The following ATP2C2 variants were observed in gnomAD, a reference collection of about 807,000 sequenced individuals.
ATP2C2 encodes ATPase secretory pathway Ca2+ transporting 2.
In ATP2C2, 171 loss-of-function variants were observed where a neutral mutation model predicts 110.8. The ratio of observed to expected loss-of-function variants is 1.54; its 90% confidence interval spans 1.36 to 1.75. The LOEUF is 1.75. Among genes scored for constraint, ATP2C2 ranks in the 40% most tolerant of loss-of-function variants. The pLI, the probability that ATP2C2 is intolerant of heterozygous loss-of-function variation, is 0.00. For synonymous variants in ATP2C2, 804 were observed against 508.4 expected, an observed-to-expected ratio of 1.58 and a Z score of -7.82; for missense variants, 1,963 against 1,235.0, an observed-to-expected ratio of 1.59 and a Z score of -8.84.
At chr16:84,445,567 C>T (rs1181597599) in intron 15 of ATP2C2, among the ~76,000 whole-genome samples, 6 of 152,260 alleles carry the variant, frequency 3.9e-5, no homozygotes, top group Middle Eastern at 3.4e-3. Context: ...CTCAAATTGA[C>T]GATATCTGCA....
chr16:84,376,742 C>G (rs960327763), intron 1 of ATP2C2, among the ~76,000 whole-genome samples: 1 of 152,186 alleles, frequency 6.6e-6, no homozygotes, highest in Non-Finnish European at 1.5e-5. Context: ...CACACATCAT[C>G]CCATGGGGCT....
intron 18 of ATP2C2, among the ~76,000 whole-genome samples, 162 bp downstream of exon 18, chr16:84,452,253 A>G (rs562896158): frequency 1.3e-5 from 2 of 152,282 alleles, no homozygotes; most frequent in South Asian, 2.1e-4. Flanking sequence ...CAGCATTCCA[A>G]TTTCTGAGGT....
At chr16:84,460,903 G>A (rs949549045) in intron 24 of ATP2C2, 102 bp downstream of exon 24, 17 of 1,432,604 alleles carry the variant, frequency 1.2e-5, no homozygotes, top group Non-Finnish European at 1.5e-5. Context: ...TCTGGGAGAG[G>A]CAAACATGTA....
Position 84,410,700 on chromosome 16 carries a change from C to T in ATP2C2, c.454-4C>T. 2 of 1,614,058 alleles carry T rather than the reference C, an allele frequency of 1.2e-6. No individual in the cohort carries two copies. The highest frequency in any genetic ancestry group is 1.7e-6 in the Non-Finnish European group (2 of 1,179,962). ...AACAGCACATCTGATGTGCTTCCTG[C>T]CAGGAGTACAGGTCGGAGAAATCTC... On this transcript the variant is annotated splice_region_variant and splice_polypyrimidine_tract_variant and intron_variant, in intron 5 of 26. Transcript: ENST00000262429.
chr16:84,415,588 T>A lies in ATP2C2; in HGVS notation c.621T>A (p.Thr207=). ...GDRIPADIRL[T]EVTDLLVDES... ...GGATCCCTGCAGACATCCGACTCAC[T>A]GAGGTGAGTGGTTCCAAACCCTTGT... The change falls in exon 7 of 27, where the codon ACT becomes ACA. Residue 207 remains threonine (T), a synonymous_variant. Transcript: ENST00000262429. 4.3e-6 allele frequency: 7 copies of A among 1,610,906 alleles called. No individual in the cohort carries two copies. Among genetic ancestry groups the A allele is most frequent in the Non-Finnish European group, 5.1e-6 (6 of 1,177,560 alleles).
chr16:84,396,009 T>C (rs1000417571), intron 1 of ATP2C2, among the ~76,000 whole-genome samples: 5 of 152,166 alleles, frequency 3.3e-5, no homozygotes, highest in African/African-American at 1.2e-4. Context: ...TCTGCTCTCC[T>C]TTCTGTCTCT....
At chr16:84,451,356 C>G (rs962840720) in intron 17 of ATP2C2, among the ~76,000 whole-genome samples, 13 of 152,290 alleles carry the variant, frequency 8.5e-5, no homozygotes, top group African/African-American at 2.4e-4. Flanking sequence ...GGGGACACAG[C>G]CAAACCATAT....
At position 84,446,364 on chromosome 16, in the gene ATP2C2, A is replaced by G. The variant is rs1166050898; in HGVS notation, c.1437A>G (p.Arg479=). ...GTGATATTAAAAATTCATATATAAGAAAAAAAGAGATTCCATTCAGTTCAG... is the reference window on the plus strand; with the variant it reads ...GTGATATTAAAAATTCATATATAAGGAAAAAAGAGATTCCATTCAGTTCAG... ...DLSDIKNSYI[R]KKEIPFSSEQ... The change falls in exon 16 of 27, where the codon AGA becomes AGG. Residue 479 remains arginine (R), a synonymous_variant. Coordinates refer to ENST00000262429, the MANE Select transcript of ATP2C2 (RefSeq NM_014861.4). 6.2e-7 allele frequency: 1 copy of G among 1,602,958 alleles called. No homozygotes were observed. The highest frequency in any genetic ancestry group is 8.5e-7 in the Non-Finnish European group (1 of 1,175,758).
intron 11 of ATP2C2, among the ~76,000 whole-genome samples, chr16:84,436,468 G>A (rs1908745206): frequency 6.6e-6 from 1 of 152,182 alleles, no homozygotes; most frequent in South Asian, 2.1e-4. Flanking sequence ...AGGGTCCCTG[G>A]CAGTGGCTGT....
At chr16:84,437,692 T>G (rs1476344327) in intron 11 of ATP2C2, among the ~76,000 whole-genome samples, 1 of 152,128 alleles carries the variant, frequency 6.6e-6, no homozygotes, top group African/African-American at 2.4e-5. Flanking sequence ...ATTTTTGTAT[T>G]TTTAGTAGAG....
At chr16:84,454,710 G>A (rs187126481) in intron 20 of ATP2C2, 108 bp from the exon 21 acceptor site, 24 of 1,192,546 alleles carry the variant, frequency 2.0e-5, no homozygotes, top group African/African-American at 6.3e-5. Flanking sequence ...TTCGAATTCC[G>A]GGTGCCCTCC....
chr16:84,449,125 C>A (rs944106428), intron 17 of ATP2C2, among the ~76,000 whole-genome samples: 4 of 152,258 alleles, frequency 2.6e-5, no homozygotes, highest in Non-Finnish European at 5.9e-5. Flanking sequence ...TTAAATCTCA[C>A]ATTTCCCTTG....
chr16:84,369,879 C>G, intron 1 of ATP2C2, among the ~76,000 whole-genome samples: 1 of 152,176 alleles, frequency 6.6e-6, no homozygotes, highest in East Asian at 1.9e-4. Flanking sequence ...TTTGAGCAAT[C>G]TCGATTTTTC....
At position 84,408,436 on chromosome 16, in the gene ATP2C2, G is replaced by A; in HGVS notation, c.359G>A (p.Gly120Asp). ...FKNPLILLLL[G>D]SALVSVLTKE... is the part of the protein sequence containing the mutation. ...AACCCCCTGATCCTGCTGCTGCTGG[G>A]CTCTGCCCTGGTGAGTGTCCTCACC... The change falls in exon 4 of 27, where the codon GGC becomes GAC. Residue 120 changes from glycine to aspartate, a missense_variant. Coordinates refer to ENST00000262429, the MANE Select transcript of ATP2C2 (RefSeq NM_014861.4). 6.2e-7 allele frequency: 1 copy of A among 1,613,810 alleles called. No individual in the cohort carries two copies. Among genetic ancestry groups the A allele is most frequent in the Non-Finnish European group, 8.5e-7 (1 of 1,180,004 alleles).
rs142174820 is a variant in ATP2C2, at chr16:84,397,227, C to T, written c.100-1272C>T. ...GTTTCACGTGGCTTCTTTCCAGGCC[C>T]GCAGGTCTCAACACAGAGTGCTGGG... On this transcript the variant is annotated intron_variant, in intron 1 of 26. Coordinates refer to ENST00000262429, the MANE Select transcript of ATP2C2 (RefSeq NM_014861.4). Among the ~76,000 whole-genome samples, 120 of 151,750 alleles carry T rather than the reference C, an allele frequency of 7.9e-4. 3 individuals carry two copies. In the East Asian group the frequency reaches 0.017, roughly 22 times the overall value.
At chr16:84,391,643 G>A (rs536597110) in intron 1 of ATP2C2, among the ~76,000 whole-genome samples, 11 of 152,184 alleles carry the variant, frequency 7.2e-5, no homozygotes, top group Non-Finnish European at 1.0e-4. Context: ...GTCAGCCACC[G>A]CCAGAAACTG....
rs560961464 is a variant in ATP2C2, at chr16:84,459,820, CATCAGT to C, written c.2333+435_2333+440del. 2.3e-4 allele frequency: 108 copies of C among 467,684 alleles called. 1 individual carries two copies. The East Asian group carries it at 2.8e-3, about 12-fold the overall frequency. The allele number at this position is 467,684 out of a possible 1,614,324, so 29.0% of individuals were successfully genotyped here. A position where few individuals can be genotyped will look rare whatever the true frequency, so the allele number is the denominator to read the frequency against. On this transcript the variant is annotated intron_variant, in intron 23 of 26. Transcript: ENST00000262429. ...ATTGTGATCTGTCTCCCCTTTAGAA[CATCAGT>C]TTCATGGAGGCGGAGTTTGTGTTTC...
intron 1 of ATP2C2, among the ~76,000 whole-genome samples, chr16:84,385,519 A>T (rs558357327): frequency 6.6e-6 from 1 of 152,250 alleles, no homozygotes; most frequent in Non-Finnish European, 1.5e-5. Context: ...TCTCCCTGTT[A>T]ACTTGGTCGT....
intron 17 of ATP2C2, among the ~76,000 whole-genome samples, chr16:84,451,516 C>G (rs370178109): frequency 6.6e-6 from 1 of 152,174 alleles, no homozygotes; most frequent in Non-Finnish European, 1.5e-5. Context: ...CTCTGCAGAC[C>G]GAGGAGGATC....
Sources: allele counts gnomAD v4.1 joint callset (sites outside exome capture counted in the v4.1 genomes callset), GRCh38; gene constraint gnomAD v4.1.1; transcripts MANE v1.5; gene names NCBI Gene and HGNC (gene_info 2026-07-23, HGNC 2026-07-21).